Variants in AFG1L observed in about 807,000 individuals in gnomAD.
AFG1L encodes the protein AFG1 like ATPase.
Under a neutral mutation model 62.2 loss-of-function variants are expected in AFG1L, and 53 were observed. The ratio of observed to expected loss-of-function variants is 0.85; its 90% CI spans 0.68 to 1.07. The LOEUF is 1.07. Among genes scored for constraint, AFG1L ranks in the 50% least tolerant of loss-of-function variants. The probability of loss-of-function intolerance (pLI) is 0.00; values close to 1 mark genes in which losing one functional copy is unlikely to be tolerated. For missense variants in AFG1L, 555 were observed against 590.5 expected (o/e 0.94, Z 0.62); for synonymous variants, 228 against 210.3 (o/e 1.08, Z -0.73).
chr6:108,325,541 A>G (rs1020204156), intron 2 of AFG1L, among the ~76,000 whole-genome samples: 5 of 151,830 alleles, frequency 3.3e-5, no homozygotes, highest in Non-Finnish European at 5.9e-5. Flanking sequence ...GCTAGAGGGC[A>G]GTGGTGTGAT....
At chr6:108,375,064 G>A (rs944271908) in intron 6 of AFG1L, among the ~76,000 whole-genome samples, 4 of 151,934 alleles carry the variant, frequency 2.6e-5, no homozygotes, top group African/African-American at 4.8e-5. Context: ...AGATGTATTC[G>A]TAGGCATTTT....
At chr6:108,356,246 G>T (rs1446389389) in intron 4 of AFG1L, among the ~76,000 whole-genome samples, 1 of 152,118 alleles carries the variant, frequency 6.6e-6, no homozygotes, top group African/African-American at 2.4e-5. Context: ...GTAGCATTTA[G>T]TACACACATA....
chr6:108,435,283 CA>C lies in AFG1L; in HGVS notation c.808-11930del, dbSNP rs1222611305. ...TGGTCTGGCTGATAGGGATACTGGC[CA>C]GGTAGGAGGACTTTACCTCTGGGCA... On this transcript the variant is annotated intron_variant, in intron 7 of 12. Coordinates refer to ENST00000368977, the MANE Select transcript of AFG1L (RefSeq NM_145315.5). Among the ~76,000 whole-genome samples the C allele has an allele frequency of 1.7e-4, 26 of 152,120 alleles. 1 individual carries two copies. Among genetic ancestry groups the C allele is most frequent in the Middle Eastern group, 3.2e-3 (1 of 316 alleles).
intron 6 of AFG1L, among the ~76,000 whole-genome samples, chr6:108,377,565 T>C (rs1263392825): frequency 6.6e-6 from 1 of 152,198 alleles, no homozygotes; most frequent in Admixed American, 6.5e-5. Context: ...ATGCTGATAA[T>C]TGGCTCCCAA....
intron 1 of AFG1L, among the ~76,000 whole-genome samples, chr6:108,311,987 C>T (rs1384242248): frequency 6.6e-6 from 1 of 152,086 alleles, no homozygotes; most frequent in Admixed American, 6.6e-5. Flanking sequence ...GCCTCAGCCT[C>T]CCGAGTAGCT....
intron 8 of AFG1L, among the ~76,000 whole-genome samples, chr6:108,449,062 C>T (rs146525615): frequency 1.6e-3 from 243 of 151,658 alleles, no homozygotes; most frequent in African/African-American, 4.8e-3. Flanking sequence ...ATGGGAGGAT[C>T]GCTTGAGCCT....
chr6:108,467,927 C>G (rs555622937), intron 8 of AFG1L, among the ~76,000 whole-genome samples: 8 of 152,312 alleles, frequency 5.3e-5, no homozygotes, highest in African/African-American at 1.9e-4. Context: ...TCTGGTTATT[C>G]ATGTCAGAAG....
At chr6:108,483,946 T>A (rs145810403) in intron 10 of AFG1L, among the ~76,000 whole-genome samples, 2 of 152,318 alleles carry the variant, frequency 1.3e-5, no homozygotes, top group East Asian at 3.9e-4. Flanking sequence ...ATTTCCCTTC[T>A]CTTGCTCTTT....
chr6:108,417,118 C>T (rs897671815), intron 7 of AFG1L, among the ~76,000 whole-genome samples: 2 of 151,584 alleles, frequency 1.3e-5, no homozygotes, highest in Admixed American at 6.6e-5. Flanking sequence ...CCTGTGGTCC[C>T]AGCTACTTAG....
intron 8 of AFG1L, among the ~76,000 whole-genome samples, chr6:108,451,502 G>A (rs1461403127): frequency 3.9e-5 from 6 of 152,054 alleles, no homozygotes; most frequent in African/African-American, 7.2e-5. Context: ...GAGTACCTTC[G>A]TAAGTAAGTT....
At chr6:108,327,300 C>G (rs1416385348) in intron 2 of AFG1L, among the ~76,000 whole-genome samples, 1 of 152,186 alleles carries the variant, frequency 6.6e-6, no homozygotes, top group African/African-American at 2.4e-5. Flanking sequence ...TGAAAGGCAT[C>G]TCCATGACAC....
At chr6:108,323,285 G>A (rs1777886665) in intron 1 of AFG1L, among the ~76,000 whole-genome samples, 2 of 152,202 alleles carry the variant, frequency 1.3e-5, no homozygotes, top group Non-Finnish European at 2.9e-5. Context: ...CCTTCTGGAA[G>A]AGAGGTTACA....
At chr6:108,394,273 A>G (rs1333516902) in intron 6 of AFG1L, among the ~76,000 whole-genome samples, 1 of 151,520 alleles carries the variant, frequency 6.6e-6, no homozygotes, top group Non-Finnish European at 1.5e-5. Context: ...TCAGCCTCCC[A>G]AGTAGCTGGG....
chr6:108,423,667 C>T lies in AFG1L; in HGVS notation c.807+21613C>T, dbSNP rs1053795022. 2.6e-5 allele frequency among the ~76,000 whole-genome samples: 4 copies of T among 151,930 alleles called. No homozygotes were observed. In the East Asian group the frequency reaches 7.7e-4, roughly 29 times the overall value. On this transcript the variant is annotated intron_variant, in intron 7 of 12. Transcript: ENST00000368977. ...ATAGGTTATTGGGACAGTGTCACCT[C>T]TAAATATATACACAAGCATATACAA...
At position 108,476,242 on chromosome 6, in the gene AFG1L, G is replaced by A. The variant is rs556428706; in HGVS notation, c.891-623G>A. Among the ~76,000 whole-genome samples the A allele has an allele frequency of 2.6e-5, 4 of 152,298 alleles. No homozygotes were observed. The South Asian group carries it at 8.3e-4, about 32-fold the overall frequency. On this transcript the variant is annotated intron_variant, in intron 8 of 12. Coordinates refer to ENST00000368977, the MANE Select transcript of AFG1L (RefSeq NM_145315.5). ...TGATGAGACTAACTTCATAGTAGCT[G>A]TAACAGTGGGCATCACAGAAGGAGA...
intron 7 of AFG1L, among the ~76,000 whole-genome samples, chr6:108,435,409 G>T (rs1312796942): frequency 6.6e-6 from 1 of 152,176 alleles, no homozygotes; most frequent in Non-Finnish European, 1.5e-5. Context: ...CAACAGGGCT[G>T]GGCACAGTGG....
intron 1 of AFG1L, chr6:108,318,175 G>C: frequency 8.1e-6 from 2 of 246,318 alleles, no homozygotes; most frequent in Non-Finnish European, 1.6e-5. Flanking sequence ...GAAGGGCAAG[G>C]ATTCTCTGTG....
chr6:108,333,448 C>T (rs1778355430), intron 2 of AFG1L, among the ~76,000 whole-genome samples: 1 of 149,640 alleles, frequency 6.7e-6, no homozygotes, highest in African/African-American at 2.5e-5. Flanking sequence ...CTCTAGAATA[C>T]ATAAAGAACC....
At chr6:108,426,739 T>A (rs1357593024) in intron 7 of AFG1L, among the ~76,000 whole-genome samples, 2 of 152,140 alleles carry the variant, frequency 1.3e-5, no homozygotes, top group Non-Finnish European at 2.9e-5. Context: ...AAGAGTTAAA[T>A]GAATGCATGA....
Sources: gnomAD v4.1 joint callset for allele counts (sites outside exome capture counted in the v4.1 genomes callset) on GRCh38, gnomAD v4.1.1 for gene constraint, MANE v1.5 for transcripts, NCBI Gene and HGNC (gene_info 2026-07-23, HGNC 2026-07-21) for gene names.